The following MTMR8 variants were observed in gnomAD, a reference collection of about 807,000 sequenced individuals.
The protein encoded by MTMR8 is phosphatidylinositol-3,5-bisphosphate 3-phosphatase MTMR8.
In MTMR8, 65 loss-of-function variants were observed where a neutral mutation model predicts 39.3. The observed-to-expected ratio is 1.65, with a 90% CI of 1.35 to 2.03. The LOEUF (loss-of-function observed/expected upper bound fraction) is 2.03, where lower values mean the gene tolerates loss of function less well. Ranked by LOEUF, MTMR8 falls within the 30% of genes most tolerant of loss-of-function variation. MTMR8 has a pLI of 0.00. For missense variants in MTMR8, 777 were observed against 538.9 expected (o/e 1.44, Z -4.37); for synonymous variants, 245 against 185.2 (o/e 1.32, Z -2.62).
At position 64,345,194 on chromosome X, in the gene MTMR8, C is replaced by T. The variant is rs777372879; in HGVS notation, c.733-17G>A. 8.3e-7 allele frequency: 1 copy of T among 1,204,834 alleles called. No homozygotes were observed. Among genetic ancestry groups the T allele is most frequent in the South Asian group, 1.8e-5 (1 of 55,939 alleles). On this transcript the variant is annotated splice_polypyrimidine_tract_variant and intron_variant, in intron 6 of 13. Transcript: ENST00000374852. The stretch of plus-strand genomic sequence containing the variant: ...GGCATTCAACTGCAATAGCAGAGGA[C>T]ATAATAGAGCAGATAGGCCAGATGA...
chrX:64,316,140 C>A (rs971714053), intron 12 of MTMR8, among the ~76,000 whole-genome samples: 2 of 111,802 alleles, frequency 1.8e-5, no homozygotes, highest in African/African-American at 6.5e-5. Flanking sequence ...ACATTTGAGA[C>A]AATTCAAGAG....
chrX:64,268,365 G>T lies in MTMR8; in HGVS notation c.*172C>A. Reference sequence around the variant, plus strand: ...GCCTACACTCTGTACTGCTTAATATGAACATATTGGTCACTTAATCAGTAA... The same window carrying T: ...GCCTACACTCTGTACTGCTTAATATTAACATATTGGTCACTTAATCAGTAA... On this transcript the variant is annotated 3_prime_UTR_variant, in exon 14 of 14. Coordinates refer to ENST00000374852, the MANE Select transcript of MTMR8 (RefSeq NM_017677.4). 1 of 488,175 alleles carries T rather than the reference G, an allele frequency of 2.0e-6. No homozygotes were observed. The highest frequency in any genetic ancestry group is 3.4e-6 in the Non-Finnish European group (1 of 296,959). 40.2% of individuals were successfully genotyped at this position (488,175 alleles called of 1,213,427 possible).
intron 11 of MTMR8, among the ~76,000 whole-genome samples, chrX:64,330,835 C>T (rs1299201681): frequency 8.9e-6 from 1 of 111,762 alleles, no homozygotes; most frequent in Non-Finnish European, 1.9e-5. Flanking sequence ...ATTGCCAGAG[C>T]TCCTGATTTT....
intron 8 of MTMR8, 110 bp from the exon 9 acceptor site, chrX:64,337,503 C>T: frequency 1.2e-6 from 1 of 852,933 alleles, no homozygotes; most frequent in Non-Finnish European, 1.6e-6. Flanking sequence ...GTCTTATGGG[C>T]TACATTAATT....
At chrX:64,294,638 G>A (rs1921506062) in intron 12 of MTMR8, among the ~76,000 whole-genome samples, 1 of 111,626 alleles carries the variant, frequency 9.0e-6, no homozygotes, top group Admixed American at 9.6e-5. Context: ...CAGTCATGGA[G>A]GCTAGGAAGT....
chrX:64,348,917 G>T lies in MTMR8; in HGVS notation c.598-123C>A. 11 of 760,869 alleles carry T rather than the reference G, an allele frequency of 1.4e-5. No individual in the cohort carries two copies. In the South Asian group the frequency reaches 2.6e-4, roughly 18 times the overall value. The allele number at this position is 760,869 out of a possible 1,213,427, so 62.7% of individuals were successfully genotyped here. On this transcript the variant is annotated intron_variant, in intron 5 of 13. Coordinates refer to ENST00000374852, the MANE Select transcript of MTMR8 (RefSeq NM_017677.4). The stretch of plus-strand genomic sequence containing the variant: ...GAGCCAACTTAAGATAGTGTCCAAA[G>T]CAAAGAGAAATGTGACTCTAAAGTC...
Position 64,337,286 on chromosome X carries a change from C to T in MTMR8, c.1083G>A (p.Arg361=), listed in dbSNP as rs761963165. 37 of 1,208,184 alleles carry T rather than the reference C, an allele frequency of 3.1e-5. No homozygotes were observed. In the South Asian group the frequency reaches 6.4e-4, roughly 21 times the overall value. Residue 361 remains arginine, a synonymous_variant, in exon 9 of 14, where the codon AGG becomes AGA. Transcript: ENST00000374852. ...VASILLDPFY[R]TFKGLMILIE... ...CTCTTACCATGAGTCCTTTGAATGT[C>T]CTATAAAATGGATCTAGGAGGATGC...
chrX:64,360,208 C>T lies in MTMR8; in HGVS notation c.25-681G>A, dbSNP rs187315336. On this transcript the variant is annotated intron_variant, in intron 1 of 13. Transcript: ENST00000374852. ...CTGAGGTAGCAGTCTCAATATCTGA[C>T]TAAATAGAATTTACGTGACAAAAAT... Among the ~76,000 whole-genome samples, 395 of 109,860 alleles carry T rather than the reference C, an allele frequency of 3.6e-3. 2 individuals are homozygous for T. Among genetic ancestry groups the T allele is most frequent in the African/African-American group, 0.012 (380 of 30,406 alleles).
chrX:64,381,328 T>A (rs1924412753), intron 1 of MTMR8, among the ~76,000 whole-genome samples: 2 of 112,247 alleles, frequency 1.8e-5, no homozygotes, highest in South Asian at 3.7e-4. Context: ...TTTAAAACAA[T>A]GTGCATTTCT....
At chrX:64,300,339 C>CTTGT (rs1921809849) in intron 12 of MTMR8, among the ~76,000 whole-genome samples, 1 of 109,496 alleles carries the variant, frequency 9.1e-6, no homozygotes, top group Non-Finnish European at 1.9e-5. Context: ...ATGTAATGGC[C>CTTGT]TTGTCTCTTT....
At chrX:64,346,777 C>A (rs1385839827) in intron 6 of MTMR8, among the ~76,000 whole-genome samples, 1 of 109,317 alleles carries the variant, frequency 9.1e-6, no homozygotes, top group African/African-American at 3.3e-5. Flanking sequence ...ATGCACCAAC[C>A]CTTTTGTTTC....
In MTMR8 at chrX:64,268,575, C is replaced by T; in HGVS notation, c.2077G>A (p.Ala693Thr). ...GAGTAGTCTGCCTCCTTGGTGCTGG[C>T]CTTGGAGATGCCTGTGTCCCCCAAG... ...GILGDTGISK[A>T]STKEADYSKH... is the part of the protein sequence containing the mutation. The change falls in exon 14 of 14, where the codon GCC (alanine) becomes ACC (threonine). Residue 693 changes from alanine (A) to threonine (T), a missense_variant. By Grantham distance (58) the Ala-to-Thr change is moderately conservative (BLOSUM62 0). Transcript: ENST00000374852. The T allele has an allele frequency of 8.3e-7, 1 of 1,210,309 alleles. No homozygotes were observed. Among genetic ancestry groups the T allele is most frequent in the Middle Eastern group, 2.3e-4 (1 of 4,338 alleles).
chrX:64,364,940 A>G (rs1433626508), intron 1 of MTMR8, among the ~76,000 whole-genome samples: 1 of 111,838 alleles, frequency 8.9e-6, no homozygotes, highest in East Asian at 2.8e-4. Flanking sequence ...GCTGAAAACC[A>G]TGGCACGAGA....
intron 12 of MTMR8, among the ~76,000 whole-genome samples, chrX:64,317,510 A>G (rs1187263922): frequency 1.8e-5 from 2 of 111,243 alleles, no homozygotes; most frequent in Non-Finnish European, 1.9e-5. Flanking sequence ...CTTCATTTCT[A>G]TATTATTCAT....
intron 1 of MTMR8, among the ~76,000 whole-genome samples, chrX:64,381,020 G>C (rs1924402676): frequency 8.9e-6 from 1 of 112,128 alleles, no homozygotes; most frequent in Non-Finnish European, 1.9e-5. Flanking sequence ...TTGGTTCCAA[G>C]TCTTTGCTAT....
chrX:64,380,020 A>G (rs1294963529), intron 1 of MTMR8, among the ~76,000 whole-genome samples: 4 of 111,921 alleles, frequency 3.6e-5, no homozygotes, highest in African/African-American at 1.3e-4. Context: ...CTAGGAACAG[A>G]GGGGCATTTC....
Position 64,281,501 on chromosome X carries a change from C to A in MTMR8, c.1482-10428G>T, listed in dbSNP as rs753701123. Among the ~76,000 whole-genome samples the A allele has an allele frequency of 2.7e-5, 3 of 111,683 alleles. No homozygotes were observed. In the South Asian group the frequency reaches 1.1e-3, roughly 42 times the overall value. On this transcript the variant is annotated intron_variant, in intron 12 of 13. Transcript: ENST00000374852. ...GCTGGGAAAACTGGCTAGCCATTTG[C>A]AGAAAACTGAAACTGGACCCCTTCC...
intron 12 of MTMR8, among the ~76,000 whole-genome samples, chrX:64,282,164 A>G (rs1041547279): frequency 6.3e-5 from 7 of 111,794 alleles, no homozygotes; most frequent in Non-Finnish European, 1.3e-4. Flanking sequence ...CAGGGTGGAG[A>G]TTCCTCAATG....
intron 1 of MTMR8, among the ~76,000 whole-genome samples, chrX:64,366,799 A>C (rs770310628): frequency 8.9e-6 from 1 of 112,043 alleles, no homozygotes; most frequent in South Asian, 3.7e-4. Flanking sequence ...AACTTCAAAA[A>C]AATCAATGAA....
Sources: gnomAD v4.1 joint callset for allele counts (sites outside exome capture counted in the v4.1 genomes callset) on GRCh38, gnomAD v4.1.1 for gene constraint, MANE v1.5 for transcripts, NCBI Gene and HGNC (gene_info 2026-07-23, HGNC 2026-07-21) for gene names.